Variants in VPS13A observed in about 807,000 individuals in gnomAD.
VPS13A encodes the protein intermembrane lipid transfer protein VPS13A.
A neutral mutation model predicts 390.9 loss-of-function variants in VPS13A; 264 were observed. The ratio of observed to expected loss-of-function variants is 0.68; its 90% CI spans 0.61 to 0.75. The LOEUF is 0.75. Ranked by LOEUF, VPS13A falls within the 30% of genes least tolerant of loss-of-function variation. The pLI, the probability that VPS13A is intolerant of heterozygous loss-of-function variation, is 0.00. For synonymous variants in VPS13A, 1,231 were observed against 1,227.1 expected, an observed-to-expected ratio of 1.00 and a Z score of -0.07; for missense variants, 3,409 against 3,733.9, an observed-to-expected ratio of 0.91 and a Z score of 2.27.
intron 17 of VPS13A, among the ~76,000 whole-genome samples, chr9:77,232,957 G>A (rs982345412): frequency 1.3e-5 from 2 of 152,090 alleles, no homozygotes; most frequent in Non-Finnish European, 2.9e-5. Context: ...TTTACTATAA[G>A]TAAGTTTAAA....
intron 17 of VPS13A, among the ~76,000 whole-genome samples, chr9:77,229,289 A>G (rs1823692074): frequency 6.6e-6 from 1 of 152,132 alleles, no homozygotes; most frequent in Non-Finnish European, 1.5e-5. Context: ...CATGTTGCCC[A>G]GGCTGGTCTG....
intron 45 of VPS13A, among the ~76,000 whole-genome samples, chr9:77,330,957 T>G (rs1298885942): frequency 1.3e-5 from 2 of 152,190 alleles, no homozygotes; most frequent in Non-Finnish European, 2.9e-5. Flanking sequence ...GTGTTTTTAG[T>G]GTCTTACAGA....
chr9:77,331,936 T>C, intron 45 of VPS13A, 74 bp from the exon 46 acceptor site: 2 of 978,486 alleles, frequency 2.0e-6, no homozygotes, highest in Admixed American at 1.7e-5. Context: ...GATAGTTACA[T>C]GGACATATTT....
chr9:77,347,388 C>T (rs1268814787), intron 52 of VPS13A, among the ~76,000 whole-genome samples: 1 of 152,106 alleles, frequency 6.6e-6, no homozygotes, highest in Non-Finnish European at 1.5e-5. Context: ...TGTAATCTCC[C>T]CTGCCATTAT....
At position 77,252,252 on chromosome 9, in the gene VPS13A, G is replaced by A; in HGVS notation, c.2188G>A (p.Ala730Thr). The change falls in exon 22 of 72, where the codon GCA becomes ACA. Residue 730 changes from alanine to threonine, a missense_variant. Coordinates refer to ENST00000360280, the MANE Select transcript of VPS13A (RefSeq NM_033305.3). ...GTACTTAGGTGATAATTGGAGAGAA[G>A]CACGAAAACTCAGTGTATCTACCCA... Reference protein sequence around the residue: ...YSRVGDNWREARKLSVSTQHI... With the variant: ...YSRVGDNWRETRKLSVSTQHI... 2 of 1,613,646 alleles carry A rather than the reference G, an allele frequency of 1.2e-6. No individual in the cohort carries two copies. Among genetic ancestry groups the A allele is most frequent in the East Asian group, 2.2e-5 (1 of 44,852 alleles).
intron 17 of VPS13A, among the ~76,000 whole-genome samples, chr9:77,231,933 A>G (rs908540021): frequency 1.9e-4 from 29 of 152,190 alleles, no homozygotes; most frequent in African/African-American, 6.8e-4. Context: ...TGTAAATGGC[A>G]TAAGGAATTG....
Position 77,353,402 on chromosome 9 carries a change from A to G in VPS13A, c.7420-7A>G. On this transcript the variant is annotated splice_region_variant and splice_polypyrimidine_tract_variant and intron_variant, in intron 53 of 71. Coordinates refer to ENST00000360280, the MANE Select transcript of VPS13A (RefSeq NM_033305.3). ...GTTTTTTTTTTTTTTTGGTGGTTTT[A>G]TTCTAGGATATGATGATGCCTATAG... 3 of 1,278,542 alleles carry G rather than the reference A, an allele frequency of 2.3e-6. No homozygotes were observed. The East Asian group carries it at 8.7e-5, about 37-fold the overall frequency. 79.2% of individuals were successfully genotyped at this position (1,278,542 alleles called of 1,614,324 possible). A position where few individuals can be genotyped will look rare whatever the true frequency, so the allele number is the denominator to read the frequency against.
intron 20 of VPS13A, among the ~76,000 whole-genome samples, chr9:77,249,493 A>AG (rs1214798453): frequency 1.3e-5 from 2 of 152,214 alleles, no homozygotes; most frequent in African/African-American, 4.8e-5. Context: ...AGCTATATAG[A>AG]GGGAAAAAAA....
At chr9:77,197,410 C>G (rs982200764) in intron 1 of VPS13A, among the ~76,000 whole-genome samples, 1 of 152,154 alleles carries the variant, frequency 6.6e-6, no homozygotes, top group Non-Finnish European at 1.5e-5. Context: ...TCAATTCTGT[C>G]AGTGTTTGCT....
At chr9:77,287,265 A>G (rs1340817593) in intron 31 of VPS13A, among the ~76,000 whole-genome samples, 5 of 150,430 alleles carry the variant, frequency 3.3e-5, no homozygotes, top group Non-Finnish European at 5.9e-5. Flanking sequence ...CAATCACACA[A>G]TCACAGCTCA....
chr9:77,323,143 A>G lies in VPS13A; in HGVS notation c.5907A>G (p.Arg1969=), dbSNP rs1829836673. 1 of 1,613,510 alleles carries G rather than the reference A, an allele frequency of 6.2e-7. No individual in the cohort carries two copies. Among genetic ancestry groups the G allele is most frequent in the South Asian group, 1.1e-5 (1 of 91,082 alleles). The change falls in exon 45 of 72, where the codon AGA becomes AGG. Residue 1969 remains arginine (R), a synonymous_variant. Transcript: ENST00000360280. The part of the protein sequence containing the change: ...VGRRLYTVRH[R]ESGVERSIVC... Reference sequence around the variant, plus strand: ...GACGTCTGTACACTGTAAGACACAGAGAGTCTGGCGTTGAAAGATCTATTG... The same window carrying G: ...GACGTCTGTACACTGTAAGACACAGGGAGTCTGGCGTTGAAAGATCTATTG...
intron 51 of VPS13A, 79 bp downstream of exon 51, chr9:77,344,360 T>G (rs770867673): frequency 2.1e-6 from 3 of 1,447,546 alleles, no homozygotes; most frequent in Non-Finnish European, 2.8e-6. Flanking sequence ...ATTTTTTGTA[T>G]CAAATAATTA....
chr9:77,412,414 T>C (rs1243492568), intron 71 of VPS13A, among the ~76,000 whole-genome samples: 1 of 152,198 alleles, frequency 6.6e-6, no homozygotes, highest in African/African-American at 2.4e-5. Context: ...GTGGGCTTCA[T>C]CCCTGGGATG....
intron 50 of VPS13A, among the ~76,000 whole-genome samples, chr9:77,341,710 T>C (rs1830829894): frequency 6.9e-6 from 1 of 143,906 alleles, no homozygotes; most frequent in African/African-American, 2.5e-5. Context: ...TTTTTTTTTT[T>C]TTTTTTTTTT....
intron 17 of VPS13A, among the ~76,000 whole-genome samples, chr9:77,229,881 A>G (rs546102944): frequency 1.3e-5 from 2 of 152,284 alleles, no homozygotes; most frequent in African/African-American, 2.4e-5. Flanking sequence ...TTACATTTCC[A>G]TGAACAGTAT....
chr9:77,314,685 C>G, intron 37 of VPS13A, 21 bp downstream of exon 37: 1 of 1,606,144 alleles, frequency 6.2e-7, no homozygotes, highest in Non-Finnish European at 8.5e-7. Flanking sequence ...TAATGATGTT[C>G]TAAGGTTTTA....
intron 71 of VPS13A, among the ~76,000 whole-genome samples, chr9:77,409,955 A>G (rs1834836743): frequency 6.6e-6 from 1 of 151,578 alleles, no homozygotes; most frequent in South Asian, 2.1e-4. Context: ...TGCCACAAAG[A>G]TACTCCTCAA....
chr9:77,273,167 C>T, intron 23 of VPS13A, 113 bp from the exon 24 acceptor site: 1 of 794,574 alleles, frequency 1.3e-6, no homozygotes, highest in Non-Finnish European at 2.0e-6. Context: ...TCAGTTAATT[C>T]AAATTGGATA....
At chr9:77,247,473 C>A in intron 20 of VPS13A, 78 bp downstream of exon 20, 1 of 1,421,066 alleles carries the variant, frequency 7.0e-7, no homozygotes. Context: ...GTTTTTTAAA[C>A]AGTTTGATTT....
Sources: allele counts gnomAD v4.1 joint callset (sites outside exome capture counted in the v4.1 genomes callset), GRCh38; gene constraint gnomAD v4.1.1; transcripts MANE v1.5; gene names NCBI Gene and HGNC (gene_info 2026-07-23, HGNC 2026-07-21).